Variants in ASRGL1 observed in about 807,000 individuals in gnomAD.
ASRGL1 encodes the protein isoaspartyl peptidase/L-asparaginase.
A neutral mutation model predicts 22.4 loss-of-function variants in ASRGL1; 16 were observed. The observed-to-expected ratio is 0.71, with a 90% CI of 0.48 to 1.08. ASRGL1 has a LOEUF of 1.08. ASRGL1 is among the 50% of genes least tolerant of loss of function. ASRGL1 has a pLI of 0.00. For missense variants in ASRGL1, 412 were observed against 410.1 expected, an observed-to-expected ratio of 1.00 and a Z score of -0.04; for synonymous variants, 165 against 159.3, an observed-to-expected ratio of 1.04 and a Z score of -0.27.
At chr11:62,398,152 TG>T (rs1021457972), downstream of ASRGL1, among the ~76,000 whole-genome samples, 1 of 151,818 alleles carries the variant, frequency 6.6e-6, no homozygotes, top group Non-Finnish European at 1.5e-5. Context: ...GGGGAGGGTT[TG>T]GAAAGGGAAA....
intron 4 of ASRGL1, among the ~76,000 whole-genome samples, chr11:62,386,894 T>A (rs1947225138): frequency 1.4e-5 from 1 of 73,140 alleles, no homozygotes. Flanking sequence ...GAAAGAATGA[T>A]TTTTTTTTTT....
chr11:62,348,249 A>G (rs1204932568), intron 2 of ASRGL1, among the ~76,000 whole-genome samples: 2 of 151,948 alleles, frequency 1.3e-5, no homozygotes, highest in African/African-American at 4.8e-5. Flanking sequence ...TGTAGTAAGG[A>G]AAAAATTTAA....
intron 4 of ASRGL1, chr11:62,371,043 A>AG (rs1365039248): frequency 4.2e-6 from 2 of 477,658 alleles, no homozygotes; most frequent in African/African-American, 2.3e-5. Context: ...CGTCTGGGCC[A>AG]GGAAAAAAAA....
downstream of ASRGL1, among the ~76,000 whole-genome samples, chr11:62,397,962 G>A (rs576202075): frequency 7.2e-5 from 11 of 152,088 alleles, no homozygotes; most frequent in African/African-American, 2.7e-4. Flanking sequence ...CTGCTTGCTG[G>A]GTAGTTAGGG....
intron 2 of ASRGL1, among the ~76,000 whole-genome samples, chr11:62,355,207 C>T (rs934049235): frequency 1.3e-5 from 2 of 151,788 alleles, no homozygotes; most frequent in Non-Finnish European, 2.9e-5. Flanking sequence ...AGCCACCACA[C>T]ACAGCCTCCA....
At chr11:62,372,276 G>A (rs1328009723) in intron 4 of ASRGL1, 3 of 1,600,876 alleles carry the variant, frequency 1.9e-6, no homozygotes, top group South Asian at 2.2e-5. Context: ...AACGGGCTCC[G>A]TGTTTGCGTT....
chr11:62,362,429 TAATA>T (rs1473580158), intron 4 of ASRGL1, among the ~76,000 whole-genome samples: 2 of 132,610 alleles, frequency 1.5e-5, no homozygotes, highest in Non-Finnish European at 3.1e-5. Context: ...TGATTTCTAT[TAATA>T]AATTTAACAA....
At chr11:62,399,598 C>T in the ASRGL1 span, among the ~76,000 whole-genome samples, 1 of 152,210 alleles carries the variant, frequency 6.6e-6, no homozygotes, top group African/African-American at 2.4e-5. Flanking sequence ...TCAGCCAGCC[C>T]CTGGCCAGGG....
the ASRGL1 span, among the ~76,000 whole-genome samples, chr11:62,401,205 C>A: frequency 6.6e-6 from 1 of 152,126 alleles, no homozygotes; most frequent in Admixed American, 6.6e-5. Flanking sequence ...ATGAGAAAAC[C>A]GAGGTTTGGA....
chr11:62,389,230 G>C lies in ASRGL1; in HGVS notation c.589G>C (p.Val197Leu). 1 of 1,614,074 alleles carries C rather than the reference G, an allele frequency of 6.2e-7. No homozygotes were observed. Among genetic ancestry groups the C allele is most frequent in the Non-Finnish European group, 8.5e-7 (1 of 1,179,972 alleles). ...TATCGTTAATAAAATGGTCGGCCGC[G>C]TTGGGGACTCACCGTGTCTAGGTAG... The part of the protein sequence containing the change: ...GGIVNKMVGR[V>L]GDSPCLGAGG... The change falls in exon 5 of 7, where the codon GTT (valine) becomes CTT (leucine). Residue 197 changes from valine to leucine, a missense_variant. Transcript: ENST00000415229.
chr11:62,382,029 C>T (rs1255171941), intron 4 of ASRGL1: 1 of 152,330 alleles, frequency 6.6e-6, no homozygotes, highest in Non-Finnish European at 1.5e-5. Context: ...TGGGTCACGC[C>T]TGTAATCCCC....
chr11:62,346,213 T>G (rs540860915), intron 2 of ASRGL1, among the ~76,000 whole-genome samples: 3 of 152,262 alleles, frequency 2.0e-5, no homozygotes, highest in South Asian at 4.1e-4. Context: ...CGAATTCAGT[T>G]AATTTGCTAG....
intron 2 of ASRGL1, among the ~76,000 whole-genome samples, chr11:62,345,979 G>T (rs1315664902): frequency 7.2e-5 from 11 of 152,158 alleles, no homozygotes; most frequent in Non-Finnish European, 1.5e-4. Flanking sequence ...ACCAGTACCT[G>T]GGGGTTGGGG....
chr11:62,372,846 T>C, intron 4 of ASRGL1: 1 of 1,602,724 alleles, frequency 6.2e-7, no homozygotes, highest in Non-Finnish European at 8.5e-7. Flanking sequence ...CACCAACACC[T>C]CCCATGAATC....
intron 4 of ASRGL1, chr11:62,371,631 C>G (rs1009579653): frequency 4.6e-6 from 3 of 651,628 alleles, no homozygotes; most frequent in East Asian, 3.8e-5. Context: ...TGGGGGCAAC[C>G]AACTGGGACT....
At position 62,391,520 on chromosome 11, in the gene ASRGL1, A is replaced by C. The variant is rs1408827331; in HGVS notation, c.611-2A>C. ...CTCAGAACAATCACCCTTTTTGAGC[A>C]GGAGCTGGAGGTTATGCCGACAATG... is the stretch of plus-strand genomic sequence containing the variant. On this transcript the variant is annotated splice_acceptor_variant, in intron 5 of 6. Transcript: ENST00000415229. LOFTEE classifies it high-confidence loss of function. 6.2e-7 allele frequency: 1 copy of C among 1,608,402 alleles called. No homozygotes were observed. The highest frequency in any genetic ancestry group is 8.5e-7 in the Non-Finnish European group (1 of 1,177,334).
intron 4 of ASRGL1, among the ~76,000 whole-genome samples, chr11:62,388,118 T>C (rs1463894326): frequency 6.6e-6 from 1 of 152,190 alleles, no homozygotes; most frequent in African/African-American, 2.4e-5. Context: ...TCCTGAATCC[T>C]CTAGGCAGTT....
intron 4 of ASRGL1, among the ~76,000 whole-genome samples, chr11:62,388,669 CAAAAAAAAA>C (rs772803061): frequency 1.8e-3 from 110 of 62,818 alleles, no homozygotes; most frequent in African/African-American, 6.5e-3. Context: ...GACTTCATCT[CAAAAAAAAA>C]AAAAAAAAAA....
At chr11:62,360,514 G>T (rs1171348993) in intron 4 of ASRGL1, among the ~76,000 whole-genome samples, 1 of 151,956 alleles carries the variant, frequency 6.6e-6, no homozygotes, top group Admixed American at 6.6e-5. Context: ...AAGAAAAAAT[G>T]AAAAAGAAAG....
Sources: allele counts gnomAD v4.1 joint callset (sites outside exome capture counted in the v4.1 genomes callset), GRCh38; gene constraint gnomAD v4.1.1; transcripts MANE v1.5; gene names NCBI Gene and HGNC (gene_info 2026-07-23, HGNC 2026-07-21).